Variants in FAM32A observed in about 807,000 individuals in gnomAD.
The protein encoded by FAM32A is family with sequence similarity 32 member A, also known as protein FAM32A.
Under a neutral mutation model 15.8 loss-of-function variants are expected in FAM32A, and 9 were observed. The ratio of observed to expected loss-of-function variants is 0.57; its 90% CI spans 0.34 to 1.00. FAM32A has a LOEUF of 1.00. FAM32A is among the 50% of genes least tolerant of loss of function. FAM32A has a pLI of 0.02. For missense variants in FAM32A, 113 were observed against 138.3 expected, an observed-to-expected ratio of 0.82 and a Z score of 0.92; for synonymous variants, 64 against 54.9, an observed-to-expected ratio of 1.16 and a Z score of -0.73.
chr19:16,189,856 T>C (rs1373531084), intron 2 of FAM32A, among the ~76,000 whole-genome samples: 1 of 151,100 alleles, frequency 6.6e-6, no homozygotes, highest in South Asian at 2.1e-4. Context: ...TCTTGTAGAG[T>C]TGGGGTCTCC....
chr19:16,185,551 T>A (rs1167036071), intron 1 of FAM32A, 35 bp downstream of exon 1: 2 of 1,573,702 alleles, frequency 1.3e-6, no homozygotes, highest in Non-Finnish European at 1.7e-6. Flanking sequence ...TCCGTCTTCA[T>A]CCCCCTTAGA....
intron 2 of FAM32A, chr19:16,186,152 G>A (rs1252658603): frequency 4.5e-6 from 1 of 220,964 alleles, no homozygotes; most frequent in Non-Finnish European, 9.0e-6. Context: ...AAGAGGGTTG[G>A]GAACTTGAGA....
chr19:16,190,802 G>C (rs991388488), intron 3 of FAM32A, 85 bp from the exon 4 acceptor site: 3 of 1,141,902 alleles, frequency 2.6e-6, no homozygotes, highest in Non-Finnish European at 4.0e-6. Context: ...TAGGATGTGG[G>C]AGAGGTGGGG....
intron 2 of FAM32A, among the ~76,000 whole-genome samples, chr19:16,190,284 G>A (rs547365827): frequency 6.6e-6 from 1 of 152,294 alleles, no homozygotes; most frequent in South Asian, 2.1e-4. Flanking sequence ...CTGCTCATGG[G>A]TACGCGCTCA....
chr19:16,190,253 G>A (rs571110506), intron 2 of FAM32A, among the ~76,000 whole-genome samples: 66 of 152,280 alleles, frequency 4.3e-4, no homozygotes, highest in African/African-American at 1.5e-3. Flanking sequence ...CAGGAAGCAT[G>A]CCGACAGCTC....
Position 16,185,472 on chromosome 19 carries a change from A to T in FAM32A, c.30A>T (p.Gly10=). The change falls in exon 1 of 4, where the codon GGA becomes GGT. Residue 10 remains glycine (G), a synonymous_variant. Coordinates refer to ENST00000263384, the MANE Select transcript of FAM32A (RefSeq NM_014077.4). Reference sequence around the variant, plus strand: ...AGGCCTACGAGCAGGTCCAAAAGGGACCCCTGAAGCTGAAAGGCGTCGCAG... The same window carrying T: ...AGGCCTACGAGCAGGTCCAAAAGGGTCCCCTGAAGCTGAAAGGCGTCGCAG... MEAYEQVQK[G]PLKLKGVAEL... 1 of 1,562,210 alleles carries T rather than the reference A, an allele frequency of 6.4e-7. No individual in the cohort carries two copies. Among genetic ancestry groups the T allele is most frequent in the Non-Finnish European group, 8.7e-7 (1 of 1,152,922 alleles).
intron 3 of FAM32A, 43 bp from the exon 4 acceptor site, chr19:16,190,844 C>G: frequency 6.5e-7 from 1 of 1,545,070 alleles, no homozygotes; most frequent in African/African-American, 1.4e-5. Flanking sequence ...CAGTACCCCA[C>G]TTGGGTCTGC....
chr19:16,189,820 T>C (rs146013043), intron 2 of FAM32A, among the ~76,000 whole-genome samples: 2 of 151,730 alleles, frequency 1.3e-5, no homozygotes, highest in East Asian at 3.9e-4. Context: ...GGACCACAGG[T>C]GTGCACCACC....
At position 16,185,534 on chromosome 19, in the gene FAM32A, G is replaced by C. The variant is rs1341647320; in HGVS notation, c.74+18G>C. 2.6e-6 allele frequency: 4 copies of C among 1,567,840 alleles called. No homozygotes were observed. The highest frequency in any genetic ancestry group is 3.5e-6 in the Non-Finnish European group (4 of 1,155,526). On this transcript the variant is annotated intron_variant, in intron 1 of 3. Transcript: ENST00000263384. Reference sequence around the variant, plus strand: ...ACCAAGCGGTGAGGCCCGAGGGCCCGCGGGATTCCGTCTTCATCCCCCTTA... The same window carrying C: ...ACCAAGCGGTGAGGCCCGAGGGCCCCCGGGATTCCGTCTTCATCCCCCTTA...
chr19:16,188,934 A>G (rs770111410), intron 2 of FAM32A, among the ~76,000 whole-genome samples: 2 of 151,716 alleles, frequency 1.3e-5, no homozygotes, highest in Non-Finnish European at 2.9e-5. Context: ...GTCAGATGGC[A>G]GCTGGGCCTG....
chr19:16,190,655 C>A, intron 3 of FAM32A, 82 bp downstream of exon 3: 1 of 1,134,564 alleles, frequency 8.8e-7, no homozygotes, highest in Non-Finnish European at 1.3e-6. Flanking sequence ...GCAGAGGGAG[C>A]TGTTGGCATG....
At chr19:16,188,948 T>C (rs981141599) in intron 2 of FAM32A, among the ~76,000 whole-genome samples, 4 of 151,488 alleles carry the variant, frequency 2.6e-5, no homozygotes, top group African/African-American at 7.3e-5. Flanking sequence ...GGGCCTGGAG[T>C]CTCTGAAGGT....
chr19:16,185,801 CA>C, intron 2 of FAM32A, 36 bp downstream of exon 2: 1 of 1,540,782 alleles, frequency 6.5e-7, no homozygotes, highest in Non-Finnish European at 8.7e-7. Context: ...GAGGCGGGAA[CA>C]CCCGGCGCCG....
At chr19:16,190,139 C>G (rs1015939334) in intron 2 of FAM32A, among the ~76,000 whole-genome samples, 9 of 152,140 alleles carry the variant, frequency 5.9e-5, no homozygotes, top group Admixed American at 4.6e-4. Context: ...TGAGCACCTG[C>G]TCTATGTCAG....
At chr19:16,189,661 T>TC (rs1283210527) in intron 2 of FAM32A, 1 of 131,662 alleles carries the variant, frequency 7.6e-6, no homozygotes, top group Non-Finnish European at 1.6e-5. Context: ...TATCCCACAC[T>TC]CCAACTCTTT....
At chr19:16,189,683 T>TTTTTTTTTTTTTTTTTTC (rs2091398568) in intron 2 of FAM32A, among the ~76,000 whole-genome samples, 1 of 136,062 alleles carries the variant, frequency 7.3e-6, no homozygotes, top group Non-Finnish European at 1.6e-5. Context: ...TTTTTTTTTT[T>TTTTTTTTTTTTTTTTTTC]TTTTTTTTTT....
chr19:16,189,415 A>G (rs1047952240), intron 2 of FAM32A: 3 of 152,150 alleles, frequency 2.0e-5, no homozygotes, highest in Non-Finnish European at 4.4e-5. Flanking sequence ...CTGCACAGCA[A>G]CTGGCTTCCA....
Position 16,185,784 on chromosome 19 carries a change from C to T in FAM32A, c.216+19C>T, listed in dbSNP as rs1350715746. ...GAAGCGGGTGAGCAGAAGCAGAAGG[C>T]GGCGGGGAGGCGGGAACACCCGGCG... On this transcript the variant is annotated intron_variant, in intron 2 of 3. Coordinates refer to ENST00000263384, the MANE Select transcript of FAM32A (RefSeq NM_014077.4). 17 of 1,544,076 alleles carry T rather than the reference C, an allele frequency of 1.1e-5. No individual in the cohort carries two copies. Among genetic ancestry groups the T allele is most frequent in the Non-Finnish European group, 1.4e-5 (16 of 1,144,748 alleles).
At chr19:16,189,852 A>C (rs911337581) in intron 2 of FAM32A, among the ~76,000 whole-genome samples, 1 of 151,494 alleles carries the variant, frequency 6.6e-6, no homozygotes, top group Non-Finnish European at 1.5e-5. Context: ...ATTTTCTTGT[A>C]GAGTTGGGGT....
Sources: allele counts gnomAD v4.1 joint callset (sites outside exome capture counted in the v4.1 genomes callset), GRCh38; gene constraint gnomAD v4.1.1; transcripts MANE v1.5; gene names NCBI Gene and HGNC (gene_info 2026-07-23, HGNC 2026-07-21).